Variants in CFAP20DC observed in about 807,000 individuals in gnomAD.
The protein encoded by CFAP20DC is CFAP20 domain containing.
In CFAP20DC, 84 loss-of-function variants were observed where a neutral mutation model predicts 101.7. The observed-to-expected ratio is 0.83, with a 90% CI of 0.69 to 0.99. The LOEUF is 0.99. CFAP20DC is among the 50% of genes least tolerant of loss of function. CFAP20DC has a pLI of 0.00. For missense variants in CFAP20DC, 1,007 were observed against 970.3 expected, an observed-to-expected ratio of 1.04 and a Z score of -0.50; for synonymous variants, 359 against 351.2, an observed-to-expected ratio of 1.02 and a Z score of -0.25.
At chr3:58,805,946 T>G (rs2074023194) in intron 15 of CFAP20DC, among the ~76,000 whole-genome samples, 1 of 152,234 alleles carries the variant, frequency 6.6e-6, no homozygotes, top group African/African-American at 2.4e-5. Flanking sequence ...GCTATCTTGA[T>G]AAATTTAAGG....
In CFAP20DC at chr3:58,831,820, G is replaced by A. The variant is rs750321619; in HGVS notation, c.2041C>T (p.Arg681Trp). The change falls in exon 14 of 17, where the codon CGG (arginine) becomes TGG (tryptophan). Residue 681 changes from arginine (R) to tryptophan (W), a missense_variant. Physicochemically the swap from Arg to Trp is moderately radical, Grantham distance 101 (BLOSUM62 -3). Transcript: ENST00000482387. Reference sequence around the variant, plus strand: ...TCCAGTTCTTCATTTTGTTGCCACCGTAGGCTTGCTAGCATCTGTAACTCG... The same window carrying A: ...TCCAGTTCTTCATTTTGTTGCCACCATAGGCTTGCTAGCATCTGTAACTCG... ...ESELQMLASL[R>W]WQQNEELEDA... is the part of the protein sequence containing the mutation. 1.1e-5 allele frequency: 18 copies of A among 1,613,922 alleles called. No individual in the cohort carries two copies. Among genetic ancestry groups the A allele is most frequent in the Middle Eastern group, 1.6e-4 (1 of 6,084 alleles).
At chr3:59,013,460 G>A (rs1469741855) in intron 4 of CFAP20DC, among the ~76,000 whole-genome samples, 1 of 152,018 alleles carries the variant, frequency 6.6e-6, no homozygotes. Flanking sequence ...TCATATAATT[G>A]AAAAATAAAT....
rs1459946240 is a variant in CFAP20DC at position 58,869,276 on chromosome 3, A to G, written c.1015+52T>C. The G allele has an allele frequency of 3.5e-6, 5 of 1,419,936 alleles. No individual in the cohort carries two copies. Among genetic ancestry groups the G allele is most frequent in the Non-Finnish European group, 4.8e-6 (5 of 1,032,144 alleles). The allele number at this position is 1,419,936 out of a possible 1,614,324, so 88.0% of individuals were successfully genotyped here. Reference sequence around the variant, plus strand: ...ACTGCTGATTTATCTTAACAAGAACATTTCTCACTATTTTCACTAGCTATC... The same window carrying G: ...ACTGCTGATTTATCTTAACAAGAACGTTTCTCACTATTTTCACTAGCTATC... On this transcript the variant is annotated intron_variant, in intron 9 of 16. Coordinates refer to ENST00000482387, the MANE Select transcript of CFAP20DC (RefSeq NM_001394063.1). The surrounding 1 kb of genome is among the most constrained non-coding windows in gnomAD (Gnocchi z 4.3).
intron 7 of CFAP20DC, among the ~76,000 whole-genome samples, chr3:58,873,470 A>G (rs902405076): frequency 1.3e-5 from 2 of 150,642 alleles, no homozygotes; most frequent in African/African-American, 4.9e-5. Context: ...CTCAAGCAGA[A>G]GTCTGGACCA....
chr3:58,810,784 T>C (rs2074552398), intron 14 of CFAP20DC, among the ~76,000 whole-genome samples: 1 of 151,566 alleles, frequency 6.6e-6, no homozygotes, highest in South Asian at 2.1e-4. Flanking sequence ...GCAGATGACA[T>C]GATTGTATAT....
Position 58,742,365 on chromosome 3 carries a change from C to T in CFAP20DC, c.*95G>A. ...TCTCAGTTACTGTTGATTTTGTGGTCACCCAACACATAAGTTGTGGTGACT... is the reference window on the plus strand; with the variant it reads ...TCTCAGTTACTGTTGATTTTGTGGTTACCCAACACATAAGTTGTGGTGACT... On this transcript the variant is annotated 3_prime_UTR_variant, in exon 17 of 17. Transcript: ENST00000482387. 1 of 1,317,946 alleles carries T rather than the reference C, an allele frequency of 7.6e-7. No individual in the cohort carries two copies. Among genetic ancestry groups the T allele is most frequent in the East Asian group, 2.8e-5 (1 of 35,288 alleles). 81.6% of individuals were successfully genotyped at this position (1,317,946 alleles called of 1,614,324 possible). A position where few individuals can be genotyped will look rare whatever the true frequency, so the allele number is the denominator to read the frequency against.
intron 12 of CFAP20DC, among the ~76,000 whole-genome samples, chr3:58,852,642 C>T (rs1207009966): frequency 4.7e-5 from 7 of 149,976 alleles, no homozygotes; most frequent in African/African-American, 1.5e-4. Context: ...ATCTCTCAGA[C>T]CACAGTGCAA....
At chr3:59,030,563 T>C (rs559758079) in intron 4 of CFAP20DC, among the ~76,000 whole-genome samples, 1 of 152,164 alleles carries the variant, frequency 6.6e-6, no homozygotes, top group Non-Finnish European at 1.5e-5. Flanking sequence ...ATTTGGAAAA[T>C]CCAAATGTTT....
intron 3 of CFAP20DC, among the ~76,000 whole-genome samples, chr3:58,736,084 A>T (rs2067748259): frequency 6.6e-6 from 1 of 152,218 alleles, no homozygotes; most frequent in Non-Finnish European, 1.5e-5. Flanking sequence ...TATTATAAGT[A>T]TACTGTCCAG....
chr3:58,720,518 T>C (rs528004070), intron 3 of CFAP20DC, among the ~76,000 whole-genome samples: 60 of 152,322 alleles, frequency 3.9e-4, no homozygotes, highest in African/African-American at 1.3e-3. Context: ...ACTTTTAGTC[T>C]GCTGGGTGGA....
chr3:58,836,764 A>T (rs931538516), intron 13 of CFAP20DC, among the ~76,000 whole-genome samples: 7 of 150,698 alleles, frequency 4.6e-5, no homozygotes, highest in South Asian at 2.1e-4. Context: ...CTCTGTATTT[A>T]AAAAAAAAAT....
intron 15 of CFAP20DC, among the ~76,000 whole-genome samples, chr3:58,773,961 AGTT>A (rs2071087751): frequency 6.6e-6 from 1 of 152,208 alleles, no homozygotes; most frequent in East Asian, 1.9e-4. Flanking sequence ...GTTTGTGAAA[AGTT>A]TAATATTATG....
rs371350773 is a variant in CFAP20DC at position 58,974,191 on chromosome 3, A to T, written c.279-36429T>A. Among the ~76,000 whole-genome samples the T allele has an allele frequency of 1.8e-3, 267 of 152,224 alleles. 13 individuals are homozygous for T. The South Asian group carries it at 0.053, about 30-fold the overall frequency. ...GTCACTGAAGTTTGGTGTACAAATG[A>T]TCTTGTCACCTAGGTAGTGAGCATA... On this transcript the variant is annotated intron_variant, in intron 4 of 16. Transcript: ENST00000482387.
chr3:58,935,908 C>A (rs1237210128), intron 5 of CFAP20DC, among the ~76,000 whole-genome samples: 2 of 151,870 alleles, frequency 1.3e-5, no homozygotes, highest in South Asian at 2.1e-4. Context: ...GCAACAAAAG[C>A]CAAAATTGAC....
intron 3 of CFAP20DC, 34 bp from the exon 4 acceptor site, chr3:59,039,663 C>A: frequency 7.5e-7 from 1 of 1,341,160 alleles, no homozygotes; most frequent in Non-Finnish European, 1.0e-6. Context: ...TTCAAATGTT[C>A]GAAGCATTTA....
chr3:58,845,814 C>T (rs1457280249), intron 13 of CFAP20DC, among the ~76,000 whole-genome samples: 1 of 150,736 alleles, frequency 6.6e-6, no homozygotes, highest in African/African-American at 2.4e-5. Context: ...GCTTATCCAC[C>T]ATGATCAAGT....
intron 6 of CFAP20DC, among the ~76,000 whole-genome samples, chr3:58,895,691 C>T (rs867090520): frequency 6.6e-6 from 1 of 152,140 alleles, no homozygotes; most frequent in African/African-American, 2.4e-5. Flanking sequence ...TCTATTGGTA[C>T]CAATTTACTG....
At chr3:58,946,429 C>T (rs972686195) in intron 4 of CFAP20DC, among the ~76,000 whole-genome samples, 1 of 152,154 alleles carries the variant, frequency 6.6e-6, no homozygotes, top group Non-Finnish European at 1.5e-5. Flanking sequence ...AGTGTTTTAT[C>T]TCTCAGTCCA....
intron 15 of CFAP20DC, among the ~76,000 whole-genome samples, chr3:58,777,779 G>C (rs1336156667): frequency 6.6e-6 from 1 of 152,136 alleles, no homozygotes; most frequent in Non-Finnish European, 1.5e-5. Context: ...CCTAGCCACA[G>C]TAGAGCCTGT....
Sources: allele counts gnomAD v4.1 joint callset (sites outside exome capture counted in the v4.1 genomes callset), GRCh38; gene constraint gnomAD v4.1.1; non-coding constraint Gnocchi (gnomAD v3.1); transcripts MANE v1.5; gene names NCBI Gene and HGNC (gene_info 2026-07-23, HGNC 2026-07-21).